The following DCLK2 variants were observed in gnomAD, a reference collection of about 807,000 sequenced individuals.
The protein encoded by DCLK2 is doublecortin like kinase 2, also known as serine/threonine-protein kinase DCLK2.
Under a neutral mutation model 78.4 loss-of-function variants are expected in DCLK2, and 31 were observed. The ratio of observed to expected loss-of-function variants is 0.40; its 90% CI spans 0.30 to 0.53. The LOEUF (loss-of-function observed/expected upper bound fraction) is 0.53. Ranked by LOEUF, DCLK2 falls within the 20% of genes least tolerant of loss-of-function variation. The pLI, the probability that DCLK2 is intolerant of heterozygous loss-of-function variation, is 0.61. For synonymous variants in DCLK2, 407 were observed against 374.9 expected, an observed-to-expected ratio of 1.09 and a Z score of -0.99; for missense variants, 872 against 973.7, an observed-to-expected ratio of 0.90 and a Z score of 1.39.
At chr4:150,093,097 A>G (rs1253232176) in intron 1 of DCLK2, among the ~76,000 whole-genome samples, 2 of 152,242 alleles carry the variant, frequency 1.3e-5, no homozygotes, top group African/African-American at 2.4e-5. Context: ...AGGATACAAA[A>G]TCATCATACA....
In DCLK2 at chr4:150,220,736, G is replaced by A. The variant is rs1387588571; in HGVS notation, c.1090G>A (p.Val364Ile). 1.2e-6 allele frequency: 2 copies of A among 1,613,808 alleles called. No individual in the cohort carries two copies. Among genetic ancestry groups the A allele is most frequent in the African/African-American group, 2.7e-5 (2 of 74,924 alleles). Residue 364 changes from valine to isoleucine, a missense_variant, in exon 6 of 16, where the codon GTA (valine) becomes ATA (isoleucine). By Grantham distance (29) the Val-to-Ile change is conservative. Coordinates refer to ENST00000296550, the MANE Select transcript of DCLK2 (RefSeq NM_001040260.4). ...ISAHGRSSSN[V>I]NGGPELDRCI... ...TGCTCATGGCAGATCTTCTTCCAAT[G>A]TAAACGGTGGACCTGAGCTTGACCG...
At chr4:150,203,976 G>A in intron 5 of DCLK2, 87 bp downstream of exon 5, 1 of 1,216,006 alleles carries the variant, frequency 8.2e-7, no homozygotes, top group Non-Finnish European at 1.2e-6. Flanking sequence ...GGGGGCTTGA[G>A]TACAGTAGCA....
At chr4:150,234,121 T>C (rs1742296060) in intron 10 of DCLK2, among the ~76,000 whole-genome samples, 1 of 152,190 alleles carries the variant, frequency 6.6e-6, no homozygotes, top group African/African-American at 2.4e-5. Context: ...TACACCTCCA[T>C]TGCTTCTGTC....
At chr4:150,173,439 T>G (rs1248589633) in intron 2 of DCLK2, among the ~76,000 whole-genome samples, 1 of 152,174 alleles carries the variant, frequency 6.6e-6, no homozygotes, top group Non-Finnish European at 1.5e-5. Context: ...AGAACTGCTC[T>G]TTCAGAGTGT....
At chr4:150,162,804 C>T (rs111322247) in intron 2 of DCLK2, among the ~76,000 whole-genome samples, 4 of 152,180 alleles carry the variant, frequency 2.6e-5, no homozygotes, top group East Asian at 3.9e-4. Flanking sequence ...CCTTGCTGTA[C>T]GTACTCTTTG....
intron 2 of DCLK2, among the ~76,000 whole-genome samples, chr4:150,105,887 A>G (rs952789020): frequency 6.6e-6 from 1 of 152,068 alleles, no homozygotes; most frequent in Non-Finnish European, 1.5e-5. Context: ...TTTAAAGCTA[A>G]TTCAGAAGGA....
intron 2 of DCLK2, among the ~76,000 whole-genome samples, chr4:150,192,909 A>T (rs72967249): frequency 0.02 from 3,092 of 152,304 alleles, 92 homozygotes; most frequent in African/African-American, 0.066. Context: ...TCACCTGTGA[A>T]AAAGGAATAT....
chr4:150,122,641 A>G (rs1378041306), intron 2 of DCLK2, among the ~76,000 whole-genome samples: 2 of 152,190 alleles, frequency 1.3e-5, no homozygotes, highest in Admixed American at 1.3e-4. Context: ...ATTAGGAGAA[A>G]CACCTAATGT....
intron 2 of DCLK2, among the ~76,000 whole-genome samples, chr4:150,186,823 G>A (rs1018104411): frequency 2.6e-5 from 4 of 152,062 alleles, no homozygotes; most frequent in Non-Finnish European, 5.9e-5. Context: ...AGCCCAGGAG[G>A]TTGAGGCTGC....
intron 11 of DCLK2, among the ~76,000 whole-genome samples, 199 bp from the exon 12 acceptor site, chr4:150,240,200 A>G (rs1742811225): frequency 1.3e-5 from 2 of 152,252 alleles, no homozygotes; most frequent in Admixed American, 1.3e-4. Context: ...GTATGGCAGT[A>G]GTCACCAAGA....
intron 2 of DCLK2, among the ~76,000 whole-genome samples, chr4:150,191,897 G>A (rs888373001): frequency 9.9e-5 from 15 of 152,222 alleles, no homozygotes; most frequent in African/African-American, 3.6e-4. Flanking sequence ...AAGCTAAATA[G>A]TGATTCGGAA....
At chr4:150,179,919 C>T (rs1737380879) in intron 2 of DCLK2, among the ~76,000 whole-genome samples, 1 of 146,874 alleles carries the variant, frequency 6.8e-6, no homozygotes, top group Non-Finnish European at 1.5e-5. Context: ...TAAACTTGTA[C>T]CGACCTTATG....
chr4:150,081,705 A>C (rs199794734), intron 1 of DCLK2, among the ~76,000 whole-genome samples: 1 of 151,924 alleles, frequency 6.6e-6, no homozygotes, highest in Non-Finnish European at 1.5e-5. Context: ...TTTTTTTTAA[A>C]GAAAATATAG....
intron 2 of DCLK2, among the ~76,000 whole-genome samples, chr4:150,143,718 G>GT (rs1418740975): frequency 6.6e-6 from 1 of 152,096 alleles, no homozygotes; most frequent in East Asian, 1.9e-4. Context: ...GCCAACATCT[G>GT]TTTTTTGACT....
intron 4 of DCLK2, among the ~76,000 whole-genome samples, chr4:150,202,325 AC>A (rs1271195083): frequency 3.3e-5 from 5 of 152,208 alleles, no homozygotes; most frequent in African/African-American, 1.2e-4. Context: ...TATTCTAAGT[AC>A]CCACATGTAT....
At chr4:150,104,259 A>G (rs564213576) in intron 2 of DCLK2, among the ~76,000 whole-genome samples, 1 of 151,732 alleles carries the variant, frequency 6.6e-6, no homozygotes, top group South Asian at 2.1e-4. Context: ...GTGGTGGTGC[A>G]CTCCTATAGT....
chr4:150,250,339 C>A (rs763900099), intron 15 of DCLK2, among the ~76,000 whole-genome samples: 5 of 152,050 alleles, frequency 3.3e-5, no homozygotes, highest in Non-Finnish European at 5.9e-5. Context: ...TGAAAAGTGA[C>A]ATGAGAGTAA....
chr4:150,171,480 CA>C lies in DCLK2; in HGVS notation c.757-21648del, dbSNP rs879938396. ...TGGGCGACAGAGCGAGACTCCGTCT[CA>C]AAAAAAAAATTAATTTTAGTTGACT... On this transcript the variant is annotated intron_variant, in intron 2 of 15. Transcript: ENST00000296550. Among the ~76,000 whole-genome samples, 6 of 148,818 alleles carry C rather than the reference CA, an allele frequency of 4.0e-5. No individual in the cohort carries two copies. In the East Asian group the frequency reaches 5.9e-4, roughly 15 times the overall value.
intron 8 of DCLK2, among the ~76,000 whole-genome samples, chr4:150,228,823 G>A (rs1279730639): frequency 6.0e-5 from 9 of 150,584 alleles, no homozygotes; most frequent in Admixed American, 4.0e-4. Context: ...TCAGGAGATC[G>A]AGACCATCCT....
Sources: gnomAD v4.1 joint callset for allele counts (sites outside exome capture counted in the v4.1 genomes callset) on GRCh38, gnomAD v4.1.1 for gene constraint, MANE v1.5 for transcripts, NCBI Gene and HGNC (gene_info 2026-07-23, HGNC 2026-07-21) for gene names.